Variants in CDH18 observed in about 807,000 individuals in gnomAD.
CDH18 encodes cadherin 18.
In CDH18, 31 loss-of-function variants were observed where a neutral mutation model predicts 67.9. The observed-to-expected ratio is 0.46, with a 90% CI of 0.34 to 0.62. The LOEUF is 0.62. Ranked by LOEUF, CDH18 falls within the 20% of genes least tolerant of loss-of-function variation. The probability of loss-of-function intolerance (pLI) is 0.01; values close to 1 mark genes in which losing one functional copy is unlikely to be tolerated. For synonymous variants in CDH18, 362 were observed against 347.2 expected (o/e 1.04, Z -0.48); for missense variants, 890 against 975.5 (o/e 0.91, Z 1.17).
At chr5:20,475,513 G>A (rs2150246518) in intron 1 of CDH18, among the ~76,000 whole-genome samples, 1 of 152,188 alleles carries the variant, frequency 6.6e-6, no homozygotes, top group East Asian at 1.9e-4. Context: ...CTTTATTTGT[G>A]CTATTATAAA....
intron 1 of CDH18, among the ~76,000 whole-genome samples, chr5:20,266,712 G>A (rs908046720): frequency 6.6e-6 from 1 of 151,078 alleles, no homozygotes; most frequent in African/African-American, 2.4e-5. Flanking sequence ...ACAGGCGTGA[G>A]TCACTGTGCC....
intron 2 of CDH18, among the ~76,000 whole-genome samples, chr5:20,233,126 T>G (rs903119747): frequency 2.0e-5 from 3 of 151,482 alleles, no homozygotes; most frequent in Non-Finnish European, 4.4e-5. Flanking sequence ...ACTATTATAT[T>G]TCAACTCTAA....
At chr5:19,864,293 C>T (rs1316295115) in intron 2 of CDH18, among the ~76,000 whole-genome samples, 1 of 150,028 alleles carries the variant, frequency 6.7e-6, no homozygotes, top group African/African-American at 2.5e-5. Flanking sequence ...AAACCAAACG[C>T]CACATGTTCT....
chr5:19,769,250 G>T (rs1036409947), intron 3 of CDH18, among the ~76,000 whole-genome samples: 1 of 151,990 alleles, frequency 6.6e-6, no homozygotes, highest in African/African-American at 2.4e-5. Flanking sequence ...GATTCATATT[G>T]ATATACATTG....
At chr5:19,515,951 T>C (rs1224062998) in intron 10 of CDH18, among the ~76,000 whole-genome samples, 1 of 152,128 alleles carries the variant, frequency 6.6e-6, no homozygotes, top group Non-Finnish European at 1.5e-5. Context: ...ATACTTCTAG[T>C]TTTTGCCCAT....
chr5:19,489,739 T>C (rs1018708690), intron 11 of CDH18, among the ~76,000 whole-genome samples: 1 of 152,224 alleles, frequency 6.6e-6, no homozygotes, highest in Non-Finnish European at 1.5e-5. Context: ...ATCTGTATAT[T>C]CAAGACTGTA....
At chr5:19,784,933 C>G (rs949154727) in intron 3 of CDH18, among the ~76,000 whole-genome samples, 1 of 152,150 alleles carries the variant, frequency 6.6e-6, no homozygotes, top group Non-Finnish European at 1.5e-5. Flanking sequence ...TTACACAAAT[C>G]TTAACTCATT....
At chr5:20,041,221 C>T (rs1740395101) in intron 2 of CDH18, among the ~76,000 whole-genome samples, 1 of 152,124 alleles carries the variant, frequency 6.6e-6, no homozygotes. Context: ...AATCATAACA[C>T]CAATATGCTA....
intron 2 of CDH18, among the ~76,000 whole-genome samples, chr5:19,899,345 A>G (rs1414172818): frequency 6.6e-6 from 1 of 151,550 alleles, no homozygotes; most frequent in Non-Finnish European, 1.5e-5. Context: ...GGTCACAGTG[A>G]GCCGAGATTG....
At chr5:19,896,750 A>C (rs1323349423) in intron 2 of CDH18, among the ~76,000 whole-genome samples, 1 of 152,230 alleles carries the variant, frequency 6.6e-6, no homozygotes. Flanking sequence ...TACATATGCA[A>C]ACGAGTACAT....
intron 2 of CDH18, among the ~76,000 whole-genome samples, chr5:19,962,774 T>A (rs185302985): frequency 6.6e-6 from 1 of 151,862 alleles, no homozygotes; most frequent in Non-Finnish European, 1.5e-5. Flanking sequence ...TCTCAAAAAA[T>A]AAAAAAGTAA....
At chr5:20,378,212 C>A (rs1016723327) in intron 1 of CDH18, among the ~76,000 whole-genome samples, 1 of 152,140 alleles carries the variant, frequency 6.6e-6, no homozygotes, top group African/African-American at 2.4e-5. Flanking sequence ...CTCCCGCTGT[C>A]GTCCAAGCTG....
intron 2 of CDH18, among the ~76,000 whole-genome samples, chr5:20,092,110 C>T (rs1183339863): frequency 6.6e-6 from 1 of 152,046 alleles, no homozygotes; most frequent in Admixed American, 6.6e-5. Context: ...GATGCTGCAA[C>T]AGTGTAAAAT....
rs2150234586 is a variant in CDH18, at chr5:20,468,296, A to T, written c.-580+107166T>A. On this transcript the variant is annotated intron_variant, in intron 1 of 14. Coordinates refer to the CDH18 transcript ENST00000507958. Reference sequence around the variant, plus strand: ...CTCCCAAAGCATTGGGATTACAGGCATGAGCTGCCACGCCCAGCCTACTTA... The same window carrying T: ...CTCCCAAAGCATTGGGATTACAGGCTTGAGCTGCCACGCCCAGCCTACTTA... Among the ~76,000 whole-genome samples, 2 of 152,270 alleles carry T rather than the reference A, an allele frequency of 1.3e-5. 1 individual carries two copies. Among genetic ancestry groups the T allele is most frequent in the East Asian group, 3.9e-4 (2 of 5,168 alleles).
At chr5:19,851,461 C>T (rs1310478623) in intron 2 of CDH18, among the ~76,000 whole-genome samples, 2 of 148,104 alleles carry the variant, frequency 1.4e-5, no homozygotes, top group East Asian at 3.9e-4. Flanking sequence ...AAATTCCCTT[C>T]TTCCCTTCTA....
chr5:20,113,687 T>C (rs1747664856), intron 2 of CDH18, among the ~76,000 whole-genome samples: 1 of 152,190 alleles, frequency 6.6e-6, no homozygotes, highest in African/African-American at 2.4e-5. Context: ...TTATGAATAT[T>C]TGTTGGCAAG....
In CDH18 at chr5:20,493,697, G is replaced by T. The variant is rs1753729761; in HGVS notation, c.-580+81765C>A. Among the ~76,000 whole-genome samples, 5 of 152,072 alleles carry T rather than the reference G, an allele frequency of 3.3e-5. 1 individual carries two copies. The highest frequency in any genetic ancestry group is 3.3e-4 in the Admixed American group (5 of 15,252). ...TGTTTTTTCCTCTTTTGTTGGTCCT[G>T]TGTGAAAGCATGGGAAGAAATGGGG... is the stretch of plus-strand genomic sequence containing the variant. On this transcript the variant is annotated intron_variant, in intron 1 of 14. Transcript: ENST00000507958.
At chr5:19,699,315 C>G (rs899769060) in intron 5 of CDH18, among the ~76,000 whole-genome samples, 1 of 152,088 alleles carries the variant, frequency 6.6e-6, no homozygotes, top group Non-Finnish European at 1.5e-5. Context: ...GTTAGAGTTT[C>G]CAAACTATAT....
chr5:19,987,002 C>G (rs1163996553), intron 1 of CDH18, among the ~76,000 whole-genome samples: 1 of 152,130 alleles, frequency 6.6e-6, no homozygotes, highest in Non-Finnish European at 1.5e-5. Flanking sequence ...TTCCTCTGAT[C>G]TGTCTCTCGG....
Sources: gnomAD v4.1 joint callset for allele counts (sites outside exome capture counted in the v4.1 genomes callset) on GRCh38, gnomAD v4.1.1 for gene constraint, MANE v1.5 for transcripts, NCBI Gene and HGNC (gene_info 2026-07-23, HGNC 2026-07-21) for gene names.